MBP: variants seen among roughly 807,000 people sequenced by gnomAD.
MBP encodes myelin basic protein, also known as Golli-MBP.
MBP carries 16 observed loss-of-function variants against 35.8 expected under a neutral mutation model. That is an observed-to-expected ratio of 0.45 (90% CI 0.30 to 0.68). The LOEUF (loss-of-function observed/expected upper bound fraction) is 0.68, where lower values mean the gene tolerates loss of function less well. MBP is among the 30% of genes least tolerant of loss of function. The pLI is 0.08. For synonymous variants in MBP, 143 were observed against 159.6 expected (o/e 0.90, Z 0.78); for missense variants, 380 against 404.7 (o/e 0.94, Z 0.52).
intron 1 of MBP, among the ~76,000 whole-genome samples, chr18:77,111,455 G>A (rs1212159936): frequency 6.6e-6 from 1 of 152,242 alleles, no homozygotes; most frequent in Non-Finnish European, 1.5e-5. Context: ...AATTCCAGAG[G>A]ATTGTCGTGC....
chr18:77,031,066 A>C (rs1189042003), intron 3 of MBP, among the ~76,000 whole-genome samples: 1 of 152,110 alleles, frequency 6.6e-6, no homozygotes, highest in African/African-American at 2.4e-5. Context: ...CCAATTCTTC[A>C]GCCATTGCAA....
chr18:77,100,331 T>C (rs1487692256), intron 2 of MBP, among the ~76,000 whole-genome samples: 1 of 152,198 alleles, frequency 6.6e-6, no homozygotes, highest in Non-Finnish European at 1.5e-5. Context: ...TGCTGTCAGA[T>C]TTCCAGTCTT....
chr18:77,084,045 ATGG>A (rs1975094013), intron 2 of MBP, among the ~76,000 whole-genome samples: 2 of 151,860 alleles, frequency 1.3e-5, no homozygotes, highest in African/African-American at 4.8e-5. Context: ...CGCTCAGTTT[ATGG>A]GTAGTTAAAA....
chr18:77,107,039 A>C (rs568948833), intron 1 of MBP, among the ~76,000 whole-genome samples: 34 of 152,334 alleles, frequency 2.2e-4, no homozygotes, highest in African/African-American at 7.9e-4. Context: ...CCCTGGGTAC[A>C]CAGGGGCTGT....
Position 77,102,884 on chromosome 18 carries a change from T to C in MBP, c.51+2327A>G, listed in dbSNP as rs1976095192. Among the ~76,000 whole-genome samples, 1 of 152,238 alleles carries C rather than the reference T, an allele frequency of 6.6e-6. No homozygotes were observed. Among genetic ancestry groups the C allele is most frequent in the Non-Finnish European group, 1.5e-5 (1 of 68,040 alleles). ...TGGTGCAGATACTGTATCCAAGCCATGTTCTTAATAAATTAGTAACTTAAT... is the reference window on the plus strand; with the variant it reads ...TGGTGCAGATACTGTATCCAAGCCACGTTCTTAATAAATTAGTAACTTAAT... On this transcript the variant is annotated intron_variant, in intron 2 of 8. Transcript: ENST00000355994. The surrounding 1 kb of genome is among the most constrained non-coding windows in gnomAD (Gnocchi z 4.4).
intron 2 of MBP, among the ~76,000 whole-genome samples, chr18:77,082,869 G>A (rs999767785): frequency 9.9e-5 from 15 of 152,214 alleles, no homozygotes; most frequent in African/African-American, 3.6e-4. Flanking sequence ...ATGTGGTTCA[G>A]TGCCAGGATC....
chr18:77,068,005 ACCCT>A (rs964570911), intron 2 of MBP, among the ~76,000 whole-genome samples: 5 of 143,744 alleles, frequency 3.5e-5, no homozygotes, highest in African/African-American at 1.0e-4. Context: ...CTATCTGGAA[ACCCT>A]CCATCCCGTG....
chr18:77,123,570 G>A (rs1384243463), intron 1 of MBP, among the ~76,000 whole-genome samples: 2 of 152,196 alleles, frequency 1.3e-5, no homozygotes, highest in Non-Finnish European at 2.9e-5. Context: ...TTAACCCGGA[G>A]CTCATTAAAA....
chr18:77,069,033 T>C, intron 2 of MBP: 1 of 481,394 alleles, frequency 2.1e-6, no homozygotes. Flanking sequence ...CTGTGACTTC[T>C]GCGGATTTTC....
intron 4 of MBP, chr18:77,015,545 A>G (rs1489935344): frequency 1.1e-5 from 11 of 985,340 alleles, no homozygotes; most frequent in Non-Finnish European, 1.3e-5. Flanking sequence ...CAGAATATGA[A>G]TTCCATTAGT....
intron 3 of MBP, 157 bp downstream of exon 3, chr18:77,066,141 C>T (rs1167215254): frequency 1.3e-5 from 8 of 632,582 alleles, no homozygotes; most frequent in Non-Finnish European, 2.3e-5. Flanking sequence ...CGATTACAGA[C>T]ATGAAGCAAT....
intron 2 of MBP, among the ~76,000 whole-genome samples, chr18:77,087,940 C>T (rs1210869107): frequency 6.6e-6 from 1 of 151,988 alleles, no homozygotes; most frequent in Non-Finnish European, 1.5e-5. Context: ...GGGACTTCCA[C>T]AGCCTATGTC....
At chr18:77,103,381 A>G (rs1227885621) in intron 2 of MBP, among the ~76,000 whole-genome samples, 1 of 152,356 alleles carries the variant, frequency 6.6e-6, no homozygotes, top group South Asian at 2.1e-4. Context: ...GCCCATCTTC[A>G]GCAGCCGGAC....
At chr18:76,993,686 T>A (rs1167680088) in intron 4 of MBP, among the ~76,000 whole-genome samples, 1 of 152,206 alleles carries the variant, frequency 6.6e-6, no homozygotes, top group Non-Finnish European at 1.5e-5. Flanking sequence ...GATGAGACTG[T>A]CAACCTCCCT....
intron 4 of MBP, chr18:77,005,568 C>A (rs1406242499): frequency 6.6e-6 from 1 of 152,272 alleles, no homozygotes; most frequent in Admixed American, 6.5e-5. Flanking sequence ...AAGTTCTAGT[C>A]CAGCTGCCCC....
At chr18:77,122,289 C>G (rs543915543) in intron 1 of MBP, among the ~76,000 whole-genome samples, 5 of 152,244 alleles carry the variant, frequency 3.3e-5, no homozygotes, top group South Asian at 4.1e-4. Flanking sequence ...GAGAAGACAG[C>G]CATCCTTTTT....
rs1969708442 is a variant in MBP at position 76,988,657 on chromosome 18, G to T, written c.718-130C>A. On this transcript the variant is annotated intron_variant, in intron 6 of 8. Coordinates refer to ENST00000355994, the MANE Select transcript of MBP (RefSeq NM_001025101.2). This position sits in a 1 kb window ranked among gnomAD's most constrained non-coding sequence, Gnocchi z 5.2. ...AAACAGGTTCCACCCGGAGCTCCGA[G>T]GGGGGCCGCAGGCTCAGGGCCACAG... is the stretch of plus-strand genomic sequence containing the variant. 6.7e-7 allele frequency: 1 copy of T among 1,495,170 alleles called. No individual in the cohort carries two copies. Among genetic ancestry groups the T allele is most frequent in the South Asian group, 1.3e-5 (1 of 75,056 alleles). The allele number at this position is 1,495,170 out of a possible 1,614,324, so 92.6% of individuals were successfully genotyped here.
At chr18:77,037,772 G>A (rs1473783118) in intron 3 of MBP, among the ~76,000 whole-genome samples, 7 of 152,204 alleles carry the variant, frequency 4.6e-5, no homozygotes, top group African/African-American at 1.2e-4. Context: ...GGAGTACATC[G>A]CTGCTGGGTG....
Position 77,049,660 on chromosome 18 carries a change from CTA to C in MBP, c.139+16636_139+16637del, listed in dbSNP as rs530110577. Among the ~76,000 whole-genome samples, 317 of 152,076 alleles carry C rather than the reference CTA, an allele frequency of 2.1e-3. 1 individual carries two copies. Among genetic ancestry groups the C allele is most frequent in the African/African-American group, 7.0e-3 (289 of 41,488 alleles). ...TTTACTCATCATTGGATATGGATAA[CTA>C]TTTTATTTTTAATTTTTATTTTATT... On this transcript the variant is annotated intron_variant, in intron 3 of 8. Transcript: ENST00000355994.
Sources: allele counts gnomAD v4.1 joint callset (sites outside exome capture counted in the v4.1 genomes callset), GRCh38; gene constraint gnomAD v4.1.1; non-coding constraint Gnocchi (gnomAD v3.1); transcripts MANE v1.5; gene names NCBI Gene and HGNC (gene_info 2026-07-23, HGNC 2026-07-21).